The following INSC variants were observed in gnomAD, a reference collection of about 807,000 sequenced individuals.
INSC encodes the protein protein inscuteable homolog.
In INSC, 67 loss-of-function variants were observed where a neutral mutation model predicts 58.6. The observed-to-expected ratio is 1.14, with a 90% CI of 0.94 to 1.40. INSC has a LOEUF of 1.40. Ranked by LOEUF, INSC falls within the 40% of genes most tolerant of loss-of-function variation. The probability of loss-of-function intolerance (pLI) is 0.00; values close to 1 mark genes in which losing one functional copy is unlikely to be tolerated. For missense variants in INSC, 714 were observed against 692.0 expected, an observed-to-expected ratio of 1.03 and a Z score of -0.36; for synonymous variants, 262 against 276.1, an observed-to-expected ratio of 0.95 and a Z score of 0.51.
intron 6 of INSC, among the ~76,000 whole-genome samples, chr11:15,193,629 T>C (rs1406082495): frequency 6.6e-6 from 1 of 152,218 alleles, no homozygotes; most frequent in Non-Finnish European, 1.5e-5. Context: ...AACTCATCCT[T>C]TTTATGGCTG....
rs538059658 is a variant in INSC at position 15,154,758 on chromosome 11, C to T, written c.56+5528C>T. ...AAAGTATCCCCAGGGACCCTTCCAG[C>T]TTTAACATTCTAAGTCTGTGAATAA... On this transcript the variant is annotated intron_variant, in intron 2 of 12. Transcript: ENST00000379556. 3.9e-5 allele frequency among the ~76,000 whole-genome samples: 6 copies of T among 152,202 alleles called. No individual in the cohort carries two copies. In the South Asian group the frequency reaches 1.2e-3, roughly 32 times the overall value.
chr11:15,150,811 C>T (rs1156524871), intron 2 of INSC, among the ~76,000 whole-genome samples: 1 of 152,200 alleles, frequency 6.6e-6, no homozygotes, highest in Admixed American at 6.5e-5. Context: ...AAGAACAAAA[C>T]TCTACTCTTG....
Position 15,200,890 on chromosome 11 carries a change from G to A in INSC, c.760G>A (p.Ala254Thr), listed in dbSNP as rs372620711. 4 of 1,613,862 alleles carry A rather than the reference G, an allele frequency of 2.5e-6. No individual in the cohort carries two copies. The highest frequency in any genetic ancestry group is 1.7e-4 in the Middle Eastern group (1 of 5,954). Reference protein sequence around the residue: ...QDSFRCLYPQALRTLASICCV... With the variant: ...QDSFRCLYPQTLRTLASICCV... ...CAGTTTCCGGTGCTTGTACCCCCAG[G>A]CGCTCCGCACGCTGGCCTCCATCTG... Residue 254 changes from alanine to threonine, a missense_variant, in exon 7 of 13, where the codon GCG (alanine) becomes ACG (threonine). Ala to Thr is a moderately conservative substitution (Grantham distance 58, BLOSUM62 0). Coordinates refer to ENST00000379556, the MANE Select transcript of INSC (RefSeq NM_001042536.3).
intron 1 of INSC, among the ~76,000 whole-genome samples, chr11:15,127,217 A>G (rs1191171107): frequency 6.6e-6 from 1 of 152,256 alleles, no homozygotes; most frequent in African/African-American, 2.4e-5. Flanking sequence ...GTCTGGCCTG[A>G]GGCTGCTCCT....
Position 15,168,045 on chromosome 11 carries a change from A to G in INSC, c.57-7696A>G, listed in dbSNP as rs1849263834. Among the ~76,000 whole-genome samples the G allele has an allele frequency of 2.6e-5, 4 of 152,248 alleles. No homozygotes were observed. The South Asian group carries it at 8.3e-4, about 32-fold the overall frequency. ...CAGCCCCAAGTTGTTGCTTGGGCAA[A>G]TGGTCCTCCCCATCTGCCTATGTTA... On this transcript the variant is annotated intron_variant, in intron 2 of 12. Transcript: ENST00000379556.
chr11:15,119,044 T>C (rs1214262796), intron 1 of INSC, among the ~76,000 whole-genome samples: 1 of 152,230 alleles, frequency 6.6e-6, no homozygotes. Flanking sequence ...GTAGTGAATG[T>C]CCACTGACCA....
At chr11:15,166,951 C>T (rs1050989634) in intron 2 of INSC, among the ~76,000 whole-genome samples, 1 of 152,136 alleles carries the variant, frequency 6.6e-6, no homozygotes, top group Admixed American at 6.6e-5. Context: ...GAGAGTAAAC[C>T]AAGTAAGGTT....
chr11:15,189,515 C>T (rs544256992), intron 5 of INSC, among the ~76,000 whole-genome samples: 9 of 152,208 alleles, frequency 5.9e-5, no homozygotes, highest in South Asian at 4.1e-4. Flanking sequence ...CTCATAGGCA[C>T]GTGCCACTGC....
chr11:15,123,734 T>G (rs1048925450), intron 1 of INSC, among the ~76,000 whole-genome samples: 2 of 152,192 alleles, frequency 1.3e-5, no homozygotes, highest in African/African-American at 2.4e-5. Flanking sequence ...GGCTTCTCTA[T>G]CTATCCTTAT....
At chr11:15,123,555 G>T (rs189493781) in intron 1 of INSC, among the ~76,000 whole-genome samples, 14 of 152,166 alleles carry the variant, frequency 9.2e-5, no homozygotes, top group Non-Finnish European at 1.8e-4. Flanking sequence ...GGCATTTGGG[G>T]TGCCTGCCAA....
chr11:15,114,099 A>G (rs57915715), upstream of INSC, among the ~76,000 whole-genome samples: 17,043 of 150,646 alleles, frequency 0.11, 1,580 homozygotes, highest in African/African-American at 0.26. Context: ...GGGCTCTGGG[A>G]GCCTCATAGC....
At chr11:15,162,964 G>A (rs1331745088) in intron 2 of INSC, among the ~76,000 whole-genome samples, 1 of 152,168 alleles carries the variant, frequency 6.6e-6, no homozygotes, top group Non-Finnish European at 1.5e-5. Context: ...AGCTGCTCAA[G>A]TAAAAAATCT....
intron 1 of INSC, among the ~76,000 whole-genome samples, chr11:15,125,834 T>C (rs977584808): frequency 2.6e-5 from 4 of 152,010 alleles, no homozygotes; most frequent in African/African-American, 9.7e-5. Flanking sequence ...GGGCTCAGGA[T>C]GAATGGTGTC....
chr11:15,213,275 A>T (rs1281052283), intron 7 of INSC, among the ~76,000 whole-genome samples: 1 of 152,258 alleles, frequency 6.6e-6, no homozygotes, highest in African/African-American at 2.4e-5. Flanking sequence ...AACAAAAACA[A>T]AAATAAAACC....
chr11:15,201,730 A>C (rs934262209), intron 7 of INSC, among the ~76,000 whole-genome samples: 2 of 152,210 alleles, frequency 1.3e-5, no homozygotes, highest in Non-Finnish European at 2.9e-5. Flanking sequence ...AAAGATGCTG[A>C]AAATTCTTAT....
At chr11:15,133,008 T>C (rs1170801901) in intron 1 of INSC, among the ~76,000 whole-genome samples, 2 of 152,204 alleles carry the variant, frequency 1.3e-5, no homozygotes, top group Admixed American at 6.5e-5. Flanking sequence ...TGGGGATTCA[T>C]TGGGATTTCT....
chr11:15,150,967 T>G (rs2133753619), intron 2 of INSC, among the ~76,000 whole-genome samples: 1 of 152,264 alleles, frequency 6.6e-6, no homozygotes, highest in East Asian at 1.9e-4. Flanking sequence ...TTCAACATAG[T>G]GGCAGTGACA....
chr11:15,253,644 T>A, the INSC span, among the ~76,000 whole-genome samples: 21,962 of 149,710 alleles, frequency 0.15, 1,657 homozygotes, highest in Middle Eastern at 0.18. Flanking sequence ...TTTTTTTTTT[T>A]AATAATATTC....
intron 2 of INSC, among the ~76,000 whole-genome samples, chr11:15,172,397 G>A (rs1849430030): frequency 6.6e-6 from 1 of 152,116 alleles, no homozygotes; most frequent in Admixed American, 6.6e-5. Context: ...CTGACACTTG[G>A]CCACTCAACA....
Sources: allele counts gnomAD v4.1 joint callset (sites outside exome capture counted in the v4.1 genomes callset), GRCh38; gene constraint gnomAD v4.1.1; transcripts MANE v1.5; gene names NCBI Gene and HGNC (gene_info 2026-07-23, HGNC 2026-07-21).